DPEP2: variants seen among roughly 807,000 people sequenced by gnomAD.
The protein encoded by DPEP2 is dipeptidase 2.
DPEP2 carries 45 observed loss-of-function variants against 51.8 expected under a neutral mutation model. The observed-to-expected ratio is 0.87, with a 90% CI of 0.68 to 1.11. The LOEUF (loss-of-function observed/expected upper bound fraction) is 1.11. Ranked by LOEUF, DPEP2 falls within the 50% of genes most tolerant of loss-of-function variation. The probability of loss-of-function intolerance (pLI) is 0.00; values close to 1 mark genes in which losing one functional copy is unlikely to be tolerated. For synonymous variants in DPEP2, 255 were observed against 262.7 expected (o/e 0.97, Z 0.28); for missense variants, 604 against 631.9 (o/e 0.96, Z 0.47).
chr16:67,993,856 T>C (rs1445649769), intron 1 of DPEP2: 1 of 985,374 alleles, frequency 1.0e-6, no homozygotes, highest in Non-Finnish European at 1.2e-6. Context: ...GCCCTGACCT[T>C]CTCTCTCCCG....
chr16:67,988,751 G>A lies in DPEP2; in HGVS notation c.1070+572C>T, dbSNP rs549152465. Among the ~76,000 whole-genome samples, 3 of 152,114 alleles carry A rather than the reference G, an allele frequency of 2.0e-5. No homozygotes were observed. In the South Asian group the frequency reaches 6.2e-4, roughly 32 times the overall value. On this transcript the variant is annotated intron_variant, in intron 9 of 10. Transcript: ENST00000393847. ...CTGGGCAACACGAGACCCCATCTCT[G>A]CCAAAAATAAAATTATCTGGGCATG...
rs371285489 is a variant in DPEP2 at position 67,993,242 on chromosome 16, G to T, written c.-30C>A. The T allele has an allele frequency of 2.9e-5, 41 of 1,413,516 alleles. 1 individual carries two copies. The African/African-American group carries it at 3.8e-4, about 13-fold the overall frequency. The allele number at this position is 1,413,516 out of a possible 1,614,324, so 87.6% of individuals were successfully genotyped here. ...TGCAGGGCCGGGCAGGCAGGCAGGG[G>T]TGGCAGTCAGAGAGCCTGAGAGGGG... On this transcript the variant is annotated 5_prime_UTR_variant, in exon 2 of 11. Transcript: ENST00000393847.
At chr16:67,994,139 G>C (rs985723073) in intron 1 of DPEP2, 3 of 985,290 alleles carry the variant, frequency 3.0e-6, no homozygotes, top group Non-Finnish European at 3.6e-6. Context: ...TAGGGCAGCA[G>C]AGTCCCCGGC....
At position 67,992,147 on chromosome 16, in the gene DPEP2, A is replaced by AG; in HGVS notation, c.436dup (p.Leu146ProfsTer9). On this transcript the variant is annotated frameshift_variant, in exon 4 of 11. Coordinates refer to ENST00000393847, the MANE Select transcript of DPEP2 (RefSeq NM_022355.4). LOFTEE classifies it high-confidence loss of function. ...GTCAATCTGCTCCAGGGTGAGGCGC[A>AG]GGGCATCCCGGTCCTGGGTCTGGCA... The AG allele has an allele frequency of 6.2e-7, 1 of 1,614,178 alleles. No individual in the cohort carries two copies. Among genetic ancestry groups the AG allele is most frequent in the Non-Finnish European group, 8.5e-7 (1 of 1,180,020 alleles).
rs2151375339 is a variant in DPEP2 at position 67,991,172 on chromosome 16, G to A, written c.675C>T (p.Ser225=). The A allele has an allele frequency of 2.5e-6, 4 of 1,613,080 alleles. No homozygotes were observed. Among genetic ancestry groups the A allele is most frequent in the Middle Eastern group, 1.9e-4 (1 of 5,198 alleles). Residue 225 remains serine (S), a synonymous_variant, in exon 6 of 11, where the codon TCC becomes TCT. Transcript: ENST00000393847. The surrounding 1 kb of genome is among the most constrained non-coding windows in gnomAD (Gnocchi z 5.1). ...HTCNTPWAES[S]AKGVHSFYNN... is the part of the protein sequence containing the mutation. ...TGTAGAAGGAGTGGACGCCCTTAGC[G>A]GAGCTCTCTGCCCTGCAGGGTGGCC...
chr16:67,993,795 C>T, intron 1 of DPEP2: 5 of 985,762 alleles, frequency 5.1e-6, no homozygotes, highest in Non-Finnish European at 6.0e-6. Context: ...AAGATAGGCT[C>T]TGGAAATGAG....
Position 67,993,271 on chromosome 16 carries a change from G to A in DPEP2, c.-45-14C>T. 7.2e-7 allele frequency: 1 copy of A among 1,387,250 alleles called. No individual in the cohort carries two copies. Among genetic ancestry groups the A allele is most frequent in the Non-Finnish European group, 9.4e-7 (1 of 1,069,348 alleles). The allele number at this position is 1,387,250 out of a possible 1,614,324, so 85.9% of individuals were successfully genotyped here. A position where few individuals can be genotyped will look rare whatever the true frequency, so the allele number is the denominator to read the frequency against. On this transcript the variant is annotated splice_polypyrimidine_tract_variant and intron_variant, in intron 1 of 10. Coordinates refer to ENST00000393847, the MANE Select transcript of DPEP2 (RefSeq NM_022355.4). Reference sequence around the variant, plus strand: ...CAGTCAGAGAGCCTGAGAGGGGCGGGCGAGGGGCAGAGCGCGACGATGGAG... The same window carrying A: ...CAGTCAGAGAGCCTGAGAGGGGCGGACGAGGGGCAGAGCGCGACGATGGAG...
Position 67,992,951 on chromosome 16 carries a change from C to A in DPEP2, c.262G>T (p.Gly88Cys), listed in dbSNP as rs753151494. ...CGCCCCCTTGCAGCAATTACGCACCCGTCCACGAGCGGGAAGTCCCGCATC... is the reference window on the plus strand; with the variant it reads ...CGCCCCCTTGCAGCAATTACGCACCAGTCCACGAGCGGGAAGTCCCGCATC... The part of the protein sequence containing the change: ...ALMRDFPLVD[G>C]HNDLPLVLRQ... Residue 88 changes from glycine (G) to cysteine (C), a missense_variant and splice_region_variant, in exon 2 of 11, where the codon GGC (glycine) becomes TGC (cysteine). Transcript: ENST00000393847. The A allele has an allele frequency of 2.5e-6, 4 of 1,609,558 alleles. No homozygotes were observed. Among genetic ancestry groups the A allele is most frequent in the African/African-American group, 2.7e-5 (2 of 74,884 alleles).
At chr16:67,995,637 C>T (rs746946181) in intron 1 of DPEP2, among the ~76,000 whole-genome samples, 1 of 152,156 alleles carries the variant, frequency 6.6e-6, no homozygotes, top group Non-Finnish European at 1.5e-5. Context: ...GAATGAGGAA[C>T]TGAACCTGAT....
At chr16:67,994,250 C>T (rs887916697) in intron 1 of DPEP2, 8 of 985,446 alleles carry the variant, frequency 8.1e-6, no homozygotes, top group Non-Finnish European at 9.6e-6. Context: ...GAGTAAGGGG[C>T]CTGAGGAAAG....
chr16:67,993,074 C>T lies in DPEP2; in HGVS notation c.139G>A (p.Gly47Ser). The T allele has an allele frequency of 6.4e-7, 1 of 1,574,450 alleles. No homozygotes were observed. Among genetic ancestry groups the T allele is most frequent in the Non-Finnish European group, 8.6e-7 (1 of 1,159,042 alleles). Residue 47 changes from glycine to serine, a missense_variant, in exon 2 of 11, where the codon GGC becomes AGC. Coordinates refer to ENST00000393847, the MANE Select transcript of DPEP2 (RefSeq NM_022355.4). ...PGPPRALTTL[G>S]APRAHTMPGT... Reference sequence around the variant, plus strand: ...GGCATGGTGTGGGCTCTGGGGGCGCCCAGCGTGGTGAGGGCTCTGGGGGGG... The same window carrying T: ...GGCATGGTGTGGGCTCTGGGGGCGCTCAGCGTGGTGAGGGCTCTGGGGGGG...
In DPEP2 at chr16:67,987,420, G is replaced by A. The variant is rs932088585; in HGVS notation, c.*86C>T. The stretch of plus-strand genomic sequence containing the variant: ...TTCTATGTCCAAAACATTTATTTCA[G>A]GAAATATTTGTGCCTGCACAACAGG... On this transcript the variant is annotated 3_prime_UTR_variant, in exon 11 of 11. Coordinates refer to ENST00000393847, the MANE Select transcript of DPEP2 (RefSeq NM_022355.4). The A allele has an allele frequency of 6.6e-7, 1 of 1,512,626 alleles. No homozygotes were observed. The allele number at this position is 1,512,626 out of a possible 1,614,324, so 93.7% of individuals were successfully genotyped here. A position where few individuals can be genotyped will look rare whatever the true frequency, so the allele number is the denominator to read the frequency against.
At position 67,991,526 on chromosome 16, in the gene DPEP2, C is replaced by T; in HGVS notation, c.662+312G>A. 1.9e-6 allele frequency: 1 copy of T among 513,092 alleles called. No homozygotes were observed. 31.8% of individuals were successfully genotyped at this position (513,092 alleles called of 1,614,324 possible). A position where few individuals can be genotyped will look rare whatever the true frequency, so the allele number is the denominator to read the frequency against. On this transcript the variant is annotated intron_variant, in intron 5 of 10. Transcript: ENST00000393847. This position sits in a 1 kb window ranked among gnomAD's most constrained non-coding sequence, Gnocchi z 5.1. Reference sequence around the variant, plus strand: ...CTGAGTATCTGGGATTATAGGCACGCACCACCACACCTGGCTAATTTTTGT... The same window carrying T: ...CTGAGTATCTGGGATTATAGGCACGTACCACCACACCTGGCTAATTTTTGT...
intron 9 of DPEP2, among the ~76,000 whole-genome samples, chr16:67,988,654 T>C (rs2151361778): frequency 1.3e-5 from 2 of 149,800 alleles, no homozygotes; most frequent in South Asian, 4.3e-4. Context: ...GTGAGGTGGC[T>C]TAGGCCTGTA....
intron 3 of DPEP2, 137 bp downstream of exon 3, chr16:67,992,370 CCAG>C: frequency 6.9e-7 from 1 of 1,451,916 alleles, no homozygotes; most frequent in Non-Finnish European, 9.3e-7. Context: ...TCTGCAGCCC[CCAG>C]CATCCATATC....
chr16:68,000,032 C>T (rs190891084), upstream of DPEP2, among the ~76,000 whole-genome samples: 5 of 152,284 alleles, frequency 3.3e-5, 1 homozygote, highest in East Asian at 7.7e-4. Flanking sequence ...TCTCACCAGC[C>T]TCTCCAGTCT....
Position 67,992,194 on chromosome 16 carries a change from C to G in DPEP2, c.391-1G>C. 6.2e-7 allele frequency: 1 copy of G among 1,613,846 alleles called. No individual in the cohort carries two copies. Among genetic ancestry groups the G allele is most frequent in the Non-Finnish European group, 8.5e-7 (1 of 1,179,834 alleles). On this transcript the variant is annotated splice_acceptor_variant, in intron 3 of 10. Transcript: ENST00000393847. LOFTEE classifies it high-confidence loss of function. Reference sequence around the variant, plus strand: ...GGCATGGCACATAGGCTGACCAGAACTGGGGGGAAGGCCAGGGTTTGGCTT... The same window carrying G: ...GGCATGGCACATAGGCTGACCAGAAGTGGGGGGAAGGCCAGGGTTTGGCTT...
At chr16:67,990,404 T>C (rs966856794) in intron 7 of DPEP2, among the ~76,000 whole-genome samples, 10 of 152,124 alleles carry the variant, frequency 6.6e-5, no homozygotes, top group African/African-American at 2.2e-4. Context: ...GGGCAAAAGA[T>C]GTTCAGCCTG....
chr16:67,989,325 G>T lies in DPEP2; in HGVS notation c.1068C>A (p.Gly356=), dbSNP rs1207698660. The T allele has an allele frequency of 6.2e-7, 1 of 1,614,038 alleles. No homozygotes were observed. The highest frequency in any genetic ancestry group is 8.5e-7 in the Non-Finnish European group (1 of 1,180,002). The change falls in exon 9 of 11, where the codon GGC becomes GGA. Residue 356 remains glycine (G), a splice_region_variant and synonymous_variant. Coordinates refer to ENST00000393847, the MANE Select transcript of DPEP2 (RefSeq NM_022355.4). ...IGIGGDYDGA[G]KFPQGLEDVS... Reference sequence around the variant, plus strand: ...CAAGCCACAGGGAAGGCACTCACTTGCCGGCCCCATCATAATCTCCACCAA... The same window carrying T: ...CAAGCCACAGGGAAGGCACTCACTTTCCGGCCCCATCATAATCTCCACCAA...
Sources: allele counts gnomAD v4.1 joint callset (sites outside exome capture counted in the v4.1 genomes callset), GRCh38; gene constraint gnomAD v4.1.1; non-coding constraint Gnocchi (gnomAD v3.1); transcripts MANE v1.5; gene names NCBI Gene and HGNC (gene_info 2026-07-23, HGNC 2026-07-21).